The following TRAF6 variants were observed in gnomAD, a reference collection of about 807,000 sequenced individuals.
The protein encoded by TRAF6 is TNF receptor-associated factor 6.
TRAF6 carries 10 observed loss-of-function variants against 48.4 expected under a neutral mutation model. The observed-to-expected ratio is 0.21, with a 90% CI of 0.13 to 0.35. The LOEUF (loss-of-function observed/expected upper bound fraction) is 0.35, where lower values mean the gene tolerates loss of function less well. Among genes scored for constraint, TRAF6 ranks in the 10% least tolerant of loss-of-function variants. The probability of loss-of-function intolerance (pLI) is 1.00; values close to 1 mark genes in which losing one functional copy is unlikely to be tolerated. For synonymous variants in TRAF6, 186 were observed against 219.6 expected, an observed-to-expected ratio of 0.85 and a Z score of 1.35; for missense variants, 397 against 661.0, an observed-to-expected ratio of 0.60 and a Z score of 4.38.
chr11:36,490,757 T>C lies in TRAF6; in HGVS notation c.757-107A>G. The C allele has an allele frequency of 1.0e-6, 1 of 957,112 alleles. No individual in the cohort carries two copies. The highest frequency in any genetic ancestry group is 1.5e-6 in the Non-Finnish European group (1 of 652,340). The allele number at this position is 957,112 out of a possible 1,614,324, so 59.3% of individuals were successfully genotyped here. A position where few individuals can be genotyped will look rare whatever the true frequency, so the allele number is the denominator to read the frequency against. ...TTTTCAAGTAGTCACACCACTTCCC[T>C]CAATTCTCTACAATTTTCCTTTGCC... is the stretch of plus-strand genomic sequence containing the variant. On this transcript the variant is annotated intron_variant, in intron 6 of 6. Transcript: ENST00000526995. This position sits in a 1 kb window ranked among gnomAD's most constrained non-coding sequence, Gnocchi z 6.4.
In TRAF6 at chr11:36,490,980, T is replaced by C. The variant is rs1388490376; in HGVS notation, c.757-330A>G. Among the ~76,000 whole-genome samples, 2 of 152,200 alleles carry C rather than the reference T, an allele frequency of 1.3e-5. No homozygotes were observed. The highest frequency in any genetic ancestry group is 2.9e-5 in the Non-Finnish European group (2 of 68,034). ...TAACATTCTACCTGTGCTCTAAATG[T>C]TACCTGACCTGTTGCGACACCCCAG... is the stretch of plus-strand genomic sequence containing the variant. On this transcript the variant is annotated intron_variant, in intron 6 of 6. Coordinates refer to ENST00000526995, the MANE Select transcript of TRAF6 (RefSeq NM_004620.4). This position sits in a 1 kb window ranked among gnomAD's most constrained non-coding sequence, Gnocchi z 6.4.
Position 36,488,882 on chromosome 11 carries a change from A to C in TRAF6, c.*956T>G, listed in dbSNP as rs561080515. ...CAGAGGGTATTCAAAAGAGCTGAAA[A>C]CTTCTGGCTCACATAGCTTCTGTCA... On this transcript the variant is annotated 3_prime_UTR_variant, in exon 7 of 7. Coordinates refer to ENST00000526995, the MANE Select transcript of TRAF6 (RefSeq NM_004620.4). The C allele has an allele frequency of 4.9e-4, 75 of 152,304 alleles. No homozygotes were observed. Among genetic ancestry groups the C allele is most frequent in the African/African-American group, 1.8e-3 (73 of 41,566 alleles). The allele number at this position is 152,304 out of a possible 1,614,324, so 9.4% of individuals were successfully genotyped here. A position where few individuals can be genotyped will look rare whatever the true frequency, so the allele number is the denominator to read the frequency against.
At chr11:36,492,826 C>A (rs1251585735) in intron 5 of TRAF6, among the ~76,000 whole-genome samples, 198 bp from the exon 6 acceptor site, 1 of 152,190 alleles carries the variant, frequency 6.6e-6, no homozygotes, top group East Asian at 1.9e-4. Context: ...ATATCAACAT[C>A]TCATAATATC....
intron 6 of TRAF6, among the ~76,000 whole-genome samples, chr11:36,492,125 T>A (rs1859572006): frequency 6.6e-6 from 1 of 152,168 alleles, no homozygotes; most frequent in African/African-American, 2.4e-5. Context: ...ATCTTGACGG[T>A]CATCGCCATA....
intron 1 of TRAF6, among the ~76,000 whole-genome samples, chr11:36,508,971 C>T (rs113368118): frequency 6.6e-6 from 1 of 152,206 alleles, no homozygotes; most frequent in Non-Finnish European, 1.5e-5. Context: ...GGCTGAAACT[C>T]TGATGTGATC....
Position 36,488,483 on chromosome 11 carries a change from T to C in TRAF6, c.*1355A>G, listed in dbSNP as rs1277260058. The C allele has an allele frequency of 6.5e-6, 1 of 152,910 alleles. No homozygotes were observed. Among genetic ancestry groups the C allele is most frequent in the African/African-American group, 2.4e-5 (1 of 41,430 alleles). 9.5% of individuals were successfully genotyped at this position (152,910 alleles called of 1,614,324 possible). A position where few individuals can be genotyped will look rare whatever the true frequency, so the allele number is the denominator to read the frequency against. On this transcript the variant is annotated 3_prime_UTR_variant, in exon 7 of 7. Coordinates refer to ENST00000526995, the MANE Select transcript of TRAF6 (RefSeq NM_004620.4). ...CCTCTCTGGGGGATACAATGTCATC[T>C]CTCATTACCAGACAACTTTAAATGG...
intron 1 of TRAF6, among the ~76,000 whole-genome samples, chr11:36,504,190 T>G (rs1254132530): frequency 6.6e-6 from 1 of 151,952 alleles, no homozygotes; most frequent in Non-Finnish European, 1.5e-5. Context: ...CTCAAAATAA[T>G]ACAACAATGA....
In TRAF6 at chr11:36,485,884, AAACT is replaced by A; in HGVS notation, c.*3950_*3953del. ...TACAGGCACAAAGACAGAAACAGAG[AAACT>A]AACTTACAGTCCATCATGTCAATCT... On this transcript the variant is annotated 3_prime_UTR_variant, in exon 7 of 7. Coordinates refer to ENST00000526995, the MANE Select transcript of TRAF6 (RefSeq NM_004620.4). 6.6e-6 allele frequency among the ~76,000 whole-genome samples: 1 copy of A among 152,298 alleles called. No individual in the cohort carries two copies. Among genetic ancestry groups the A allele is most frequent in the Admixed American group, 6.5e-5 (1 of 15,304 alleles).
Position 36,486,525 on chromosome 11 carries a change from T to C in TRAF6, c.*3313A>G, listed in dbSNP as rs1480078330. Reference sequence around the variant, plus strand: ...GGTAATAGAGAATTATACTGTGACCTGTATAATTTTATATGGGTCACAATA... The same window carrying C: ...GGTAATAGAGAATTATACTGTGACCCGTATAATTTTATATGGGTCACAATA... On this transcript the variant is annotated 3_prime_UTR_variant, in exon 7 of 7. Coordinates refer to ENST00000526995, the MANE Select transcript of TRAF6 (RefSeq NM_004620.4). Among the ~76,000 whole-genome samples the C allele has an allele frequency of 6.6e-6, 1 of 152,156 alleles. No homozygotes were observed. Among genetic ancestry groups the C allele is most frequent in the African/African-American group, 2.4e-5 (1 of 41,392 alleles).
At chr11:36,498,675 A>T (rs765006707) in intron 2 of TRAF6, 35 bp from the exon 3 acceptor site, 1 of 1,564,506 alleles carries the variant, frequency 6.4e-7, no homozygotes, top group South Asian at 1.2e-5. Flanking sequence ...TTAGATTTAA[A>T]GACTCACATT....
At chr11:36,500,271 C>G (rs553369780) in intron 2 of TRAF6, among the ~76,000 whole-genome samples, 1 of 152,168 alleles carries the variant, frequency 6.6e-6, no homozygotes, top group Admixed American at 6.5e-5. Context: ...GGTATAAATA[C>G]GGTGGTGAGG....
chr11:36,497,065 T>C (rs1055872426), intron 4 of TRAF6, 43 bp downstream of exon 4: 1 of 1,601,242 alleles, frequency 6.2e-7, no homozygotes. Context: ...AAGAACAATA[T>C]TTTAAGAAGT....
At chr11:36,503,298 T>A (rs1859741894) in intron 1 of TRAF6, among the ~76,000 whole-genome samples, 1 of 151,306 alleles carries the variant, frequency 6.6e-6, no homozygotes, top group African/African-American at 2.4e-5. Context: ...TACTTAAGTT[T>A]TTTTTTTTTT....
In TRAF6 at chr11:36,485,333, C is replaced by T. The variant is rs116658894; in HGVS notation, c.*4505G>A. Among the ~76,000 whole-genome samples the T allele has an allele frequency of 0.011, 1,739 of 152,216 alleles. 36 individuals are homozygous for T. The highest frequency in any genetic ancestry group is 0.039 in the African/African-American group (1,626 of 41,484). On this transcript the variant is annotated 3_prime_UTR_variant, in exon 7 of 7. Coordinates refer to ENST00000526995, the MANE Select transcript of TRAF6 (RefSeq NM_004620.4). ...TTATTACGTATTTGAGTGTGTGCAACGTGCCAGGCACTGTGGTAAGAAGAG... is the reference window on the plus strand; with the variant it reads ...TTATTACGTATTTGAGTGTGTGCAATGTGCCAGGCACTGTGGTAAGAAGAG...
rs1286505713 is a variant in TRAF6 at position 36,490,334 on chromosome 11, C to A, written c.1073G>T (p.Gly358Val). 2 of 1,614,046 alleles carry A rather than the reference C, an allele frequency of 1.2e-6. No homozygotes were observed. The highest frequency in any genetic ancestry group is 3.3e-5 in the Admixed American group (2 of 59,996). ...QCNGIYIWKI[G>V]NFGMHLKCQE... ...ACATTTCAAATGCATTCCAAAGTTGCCAATCTTCCAAATATAAATTCCATT... is the reference window on the plus strand; with the variant it reads ...ACATTTCAAATGCATTCCAAAGTTGACAATCTTCCAAATATAAATTCCATT... The change falls in exon 7 of 7, where the codon GGC becomes GTC. Residue 358 changes from glycine to valine, a missense_variant. Gly to Val is a moderately radical substitution (Grantham distance 109). Around this residue, in one of 4 missense-constraint regions of TRAF6, gnomAD observed 245 missense variants for 349.1 expected, o/e 0.70. Transcript: ENST00000526995. This position sits in a 1 kb window ranked among gnomAD's most constrained non-coding sequence, Gnocchi z 6.4.
chr11:36,506,832 A>C (rs1403601849), intron 1 of TRAF6, among the ~76,000 whole-genome samples: 2 of 152,168 alleles, frequency 1.3e-5, no homozygotes, highest in East Asian at 3.8e-4. Context: ...TTTCCAAATA[A>C]ACTTTTTCAT....
In TRAF6 at chr11:36,506,119, A is replaced by C. The variant is rs951830992; in HGVS notation, c.-23+3929T>G. On this transcript the variant is annotated intron_variant, in intron 1 of 6. Coordinates refer to ENST00000526995, the MANE Select transcript of TRAF6 (RefSeq NM_004620.4). ...AAGACTTGCACAACACAGGGTTGAC[A>C]TAAATCTTCAATATGTTAAAAAAAA... 2.2e-5 allele frequency among the ~76,000 whole-genome samples: 3 copies of C among 138,874 alleles called. No homozygotes were observed. The Admixed American group carries it at 2.4e-4, about 11-fold the overall frequency. 91.1% of individuals were successfully genotyped at this position (138,874 alleles called of 152,430 possible). A position where few individuals can be genotyped will look rare whatever the true frequency, so the allele number is the denominator to read the frequency against.
chr11:36,499,933 G>A (rs914284134), intron 2 of TRAF6, among the ~76,000 whole-genome samples: 11 of 152,118 alleles, frequency 7.2e-5, no homozygotes, highest in African/African-American at 2.7e-4. Context: ...GGACTCCTTA[G>A]TTACCTACAA....
intron 2 of TRAF6, among the ~76,000 whole-genome samples, 166 bp downstream of exon 2, chr11:36,501,054 A>C (rs112835743): frequency 6.6e-5 from 10 of 152,286 alleles, no homozygotes; most frequent in African/African-American, 2.2e-4. Flanking sequence ...ACAACAGTGG[A>C]AACTGGGATA....
Sources: allele counts gnomAD v4.1 joint callset (sites outside exome capture counted in the v4.1 genomes callset), GRCh38; gene constraint gnomAD v4.1.1; regional missense constraint gnomAD v4.1.1; non-coding constraint Gnocchi (gnomAD v3.1); transcripts MANE v1.5; gene names NCBI Gene and HGNC (gene_info 2026-07-23, HGNC 2026-07-21).